Variants in LHB observed in about 807,000 individuals in gnomAD.
The protein encoded by LHB is luteinizing hormone subunit beta.
Under a neutral mutation model 10.6 loss-of-function variants are expected in LHB, and 11 were observed. The observed-to-expected ratio is 1.04, with a 90% CI of 0.66 to 1.72. The LOEUF (loss-of-function observed/expected upper bound fraction) is 1.72, where lower values mean the gene tolerates loss of function less well. LHB is among the 40% of genes most tolerant of loss of function. The pLI, the probability that LHB is intolerant of heterozygous loss-of-function variation, is 0.00. For missense variants in LHB, 184 were observed against 197.3 expected (o/e 0.93, Z 0.41); for synonymous variants, 86 against 83.1 (o/e 1.03, Z -0.19).
upstream of LHB, chr19:49,019,296 C>CTT: frequency 9.1e-6 from 11 of 1,210,770 alleles, no homozygotes; most frequent in South Asian, 2.5e-4. Flanking sequence ...CCTGGTTCCG[C>CTT]TCTGTCTTAA....
At chr19:49,017,197 G>A, upstream of LHB, 1 of 1,537,642 alleles carries the variant, frequency 6.5e-7, no homozygotes, top group Admixed American at 1.7e-5. Flanking sequence ...TCCCCCCGGG[G>A]GCGAGAGGTG....
At position 49,017,049 on chromosome 19, in the gene LHB, G is replaced by T. The variant is rs1458918002; in HGVS notation, c.15+18C>A. 3.7e-6 allele frequency: 6 copies of T among 1,613,742 alleles called. No individual in the cohort carries two copies. The highest frequency in any genetic ancestry group is 5.1e-6 in the Non-Finnish European group (6 of 1,179,860). On this transcript the variant is annotated intron_variant, in intron 1 of 2. Coordinates refer to ENST00000649238, the MANE Select transcript of LHB (RefSeq NM_000894.3). ...CCTGGAAGGAGGTGGAAGGTGCCCA[G>T]GGGCCCTGTAGTCTTACCTGGAGCA...
intron 1 of LHB, 91 bp downstream of exon 1, chr19:49,016,976 C>T: frequency 3.7e-6 from 6 of 1,611,528 alleles, no homozygotes; most frequent in South Asian, 1.1e-5. Flanking sequence ...AGAAAGAGGC[C>T]TCCTTCCACA....
upstream of LHB, chr19:49,019,300 G>GC: frequency 9.2e-7 from 1 of 1,081,632 alleles, no homozygotes; most frequent in Admixed American, 8.2e-5. Context: ...GTTCCGCTCT[G>GC]TCTTAAACCG....
chr19:49,017,646 C>T (rs892612491), upstream of LHB: 33 of 920,938 alleles, frequency 3.6e-5, no homozygotes, highest in Non-Finnish European at 4.0e-5. Flanking sequence ...CTCCGCCCAC[C>T]CTACCCTCAA....
upstream of LHB, chr19:49,017,497 A>C (rs868467908): frequency 2.3e-5 from 26 of 1,133,846 alleles, no homozygotes; most frequent in African/African-American, 4.8e-5. Flanking sequence ...AGTCCAACCT[A>C]ACAGGAGGGG....
upstream of LHB, chr19:49,019,295 G>A: frequency 9.2e-7 from 1 of 1,086,690 alleles, no homozygotes; most frequent in Non-Finnish European, 1.2e-6. Context: ...CCCTGGTTCC[G>A]CTCTGTCTTA....
In LHB at chr19:49,016,548, A is replaced by G. The variant is rs752096872; in HGVS notation, c.182T>C (p.Met61Thr). The G allele has an allele frequency of 4.5e-5, 72 of 1,606,760 alleles. No homozygotes were observed. The highest frequency in any genetic ancestry group is 5.9e-5 in the Non-Finnish European group (70 of 1,179,194). ...TTICAGYCPT[M>T]MRVLQAVLPP... ...TGCCCCTGGCCCCAGGCAGCTCACC[A>G]TGGTGGGGCAGTAGCCGGCACAGAT... Residue 61 changes from methionine (M) to threonine (T), a missense_variant and splice_region_variant, in exon 2 of 3, where the codon ATG becomes ACG. Coordinates refer to ENST00000649238, the MANE Select transcript of LHB (RefSeq NM_000894.3).
At chr19:49,017,540 A>T (rs1324679431), upstream of LHB, 1 of 1,110,700 alleles carries the variant, frequency 9.0e-7, no homozygotes, top group African/African-American at 1.6e-5. Context: ...GCCCAGTGAG[A>T]GAGGGTCTCC....
chr19:49,018,252 G>T, upstream of LHB: 2 of 925,954 alleles, frequency 2.2e-6, no homozygotes, highest in Non-Finnish European at 2.8e-6. Flanking sequence ...CAGGGCGGCC[G>T]CTGCGGGCCG....
At position 49,016,559 on chromosome 19, in the gene LHB, G is replaced by C. The variant is rs200644094; in HGVS notation, c.171C>G (p.Tyr57Ter). 6.2e-7 allele frequency: 1 copy of C among 1,608,594 alleles called. No individual in the cohort carries two copies. Among genetic ancestry groups the C allele is most frequent in the Non-Finnish European group, 8.5e-7 (1 of 1,179,552 alleles). ...CCAGGCAGCTCACCATGGTGGGGCA[G>C]TAGCCGGCACAGATGGTGGTGTTGA... is the stretch of plus-strand genomic sequence containing the variant. ...ITVNTTICAGYCPTMMRVLQA... is the reference protein window; with the variant it reads ...ITVNTTICAG Residue 57 changes from tyrosine (Y) to a stop codon, truncating the protein, a stop_gained, in exon 2 of 3, where the codon TAC (tyrosine) becomes TAG (stop). Coordinates refer to ENST00000649238, the MANE Select transcript of LHB (RefSeq NM_000894.3). LOFTEE classifies it high-confidence loss of function.
rs1415281061 is a variant in LHB at position 49,016,050 on chromosome 19, A to G, written c.*18T>C. ...CTCCAGGAGTCGGGATGGACTTGGA[A>G]GGCTGCGGGGAGGGTCTTTAGAGGA... On this transcript the variant is annotated 3_prime_UTR_variant, in exon 3 of 3. Coordinates refer to ENST00000649238, the MANE Select transcript of LHB (RefSeq NM_000894.3). 1 of 1,613,648 alleles carries G rather than the reference A, an allele frequency of 6.2e-7. No homozygotes were observed. Among genetic ancestry groups the G allele is most frequent in the Admixed American group, 1.7e-5 (1 of 59,980 alleles).
At chr19:49,017,241 A>G (rs1489310124), upstream of LHB, among the ~76,000 whole-genome samples, 1 of 152,046 alleles carries the variant, frequency 6.6e-6, no homozygotes. Context: ...GTGGCTCAGC[A>G]GAGCGCCCCA....
chr19:49,017,214 G>T (rs988696127), upstream of LHB: 20 of 1,467,720 alleles, frequency 1.4e-5, no homozygotes, highest in Admixed American at 3.2e-4. Flanking sequence ...GGTGCACATG[G>T]CCAGGGAGGC....
upstream of LHB, chr19:49,018,180 T>C: frequency 2.4e-6 from 1 of 420,568 alleles, no homozygotes. Flanking sequence ...ATGGCCGAGG[T>C]CACCGGGCTG....
At position 49,016,033 on chromosome 19, in the gene LHB, G is replaced by A. The variant is rs766358514; in HGVS notation, c.*35C>T. 4 of 1,613,888 alleles carry A rather than the reference G, an allele frequency of 2.5e-6. No homozygotes were observed. The highest frequency in any genetic ancestry group is 3.4e-6 in the Non-Finnish European group (4 of 1,180,048). On this transcript the variant is annotated 3_prime_UTR_variant, in exon 3 of 3. Transcript: ENST00000649238. ...GGATCGGGGTGTCAGGGCTCCAGGAGTCGGGATGGACTTGGAAGGCTGCGG... is the reference window on the plus strand; with the variant it reads ...GGATCGGGGTGTCAGGGCTCCAGGAATCGGGATGGACTTGGAAGGCTGCGG...
At chr19:49,018,223 C>T, upstream of LHB, 3 of 632,184 alleles carry the variant, frequency 4.7e-6, no homozygotes, top group Non-Finnish European at 6.8e-6. Context: ...GTGGTCGGGG[C>T]GGCCGGGAGG....
rs1198574490 is a variant in LHB at position 49,016,257 on chromosome 19, G to A, written c.237C>T (p.Tyr79=). The A allele has an allele frequency of 3.1e-6, 5 of 1,612,390 alleles. No homozygotes were observed. Among genetic ancestry groups the A allele is most frequent in the South Asian group, 1.1e-5 (1 of 91,014 alleles). The part of the protein sequence containing the change: ...LPPLPQVVCT[Y]RDVRFESIRL... ...GGATGGACTCGAAGCGCACATCACG[G>A]TAGGTGCACACCACCTGAGGCAGGG... The change falls in exon 3 of 3, where the codon TAC becomes TAT. Residue 79 remains tyrosine, a synonymous_variant. Transcript: ENST00000649238.
At chr19:49,017,189 C>T (rs1465884150), upstream of LHB, 12 of 1,561,974 alleles carry the variant, frequency 7.7e-6, no homozygotes, top group Non-Finnish European at 7.1e-6. Context: ...GACACTAATC[C>T]CCCCGGGGGC....
Sources: gnomAD v4.1 joint callset for allele counts (sites outside exome capture counted in the v4.1 genomes callset) on GRCh38, gnomAD v4.1.1 for gene constraint, MANE v1.5 for transcripts, NCBI Gene and HGNC (gene_info 2026-07-23, HGNC 2026-07-21) for gene names.